Variants in SLC8A1 observed in about 807,000 individuals in gnomAD.
SLC8A1 encodes solute carrier family 8 member A1.
In SLC8A1, 18 loss-of-function variants were observed where a neutral mutation model predicts 68.3. The ratio of observed to expected loss-of-function variants is 0.26; its 90% CI spans 0.18 to 0.39. SLC8A1 has a LOEUF of 0.39. Among genes scored for constraint, SLC8A1 ranks in the 10% least tolerant of loss-of-function variants. The probability of loss-of-function intolerance (pLI) is 1.00; values close to 1 mark genes in which losing one functional copy is unlikely to be tolerated. For missense variants in SLC8A1, 985 were observed against 1,156.7 expected (o/e 0.85, Z 2.15); for synonymous variants, 475 against 415.5 (o/e 1.14, Z -1.74).
chr2:40,373,046 C>A (rs1678653705), intron 2 of SLC8A1, among the ~76,000 whole-genome samples: 1 of 74,168 alleles, frequency 1.3e-5, no homozygotes, highest in Non-Finnish European at 2.5e-5. Context: ...AAAAAAAATT[C>A]AAACTATGTC....
At chr2:40,240,087 C>G (rs1228537309) in intron 2 of SLC8A1, among the ~76,000 whole-genome samples, 1 of 152,172 alleles carries the variant, frequency 6.6e-6, no homozygotes, top group African/African-American at 2.4e-5. Flanking sequence ...TTAAAACTAT[C>G]TGATGATGAA....
At chr2:40,418,307 G>T (rs1225036299) in intron 2 of SLC8A1, among the ~76,000 whole-genome samples, 1 of 151,922 alleles carries the variant, frequency 6.6e-6, no homozygotes, top group South Asian at 2.1e-4. Context: ...CATTTTACTA[G>T]ACCATGTGTA....
intron 2 of SLC8A1, among the ~76,000 whole-genome samples, chr2:40,240,271 A>C (rs1336232968): frequency 1.3e-5 from 2 of 152,238 alleles, no homozygotes; most frequent in African/African-American, 4.8e-5. Context: ...TGCCAAGTCA[A>C]GTCTCCGACG....
chr2:40,166,536 G>A (rs773510910), intron 4 of SLC8A1, among the ~76,000 whole-genome samples: 1 of 152,186 alleles, frequency 6.6e-6, no homozygotes, highest in African/African-American at 2.4e-5. Flanking sequence ...AGGCAAAGGA[G>A]AGGGGCAAGG....
chr2:40,322,829 C>T (rs1390901254), intron 2 of SLC8A1, among the ~76,000 whole-genome samples: 2 of 144,972 alleles, frequency 1.4e-5, no homozygotes, highest in African/African-American at 2.8e-5. Flanking sequence ...GTAACACACA[C>T]ACACACACAC....
At chr2:40,271,886 A>G (rs1412786471) in intron 2 of SLC8A1, among the ~76,000 whole-genome samples, 3 of 151,720 alleles carry the variant, frequency 2.0e-5, no homozygotes, top group Admixed American at 6.6e-5. Context: ...TTTTTTTTAG[A>G]GTCAGGGTCT....
intron 2 of SLC8A1, among the ~76,000 whole-genome samples, chr2:40,259,756 A>AT (rs1176240423): frequency 6.6e-6 from 1 of 152,108 alleles, no homozygotes; most frequent in Admixed American, 6.5e-5. Context: ...GTTTATTTTG[A>AT]TTTTTTAAAA....
chr2:40,485,812 AT>A (rs567079225), intron 1 of SLC8A1, among the ~76,000 whole-genome samples: 2 of 151,960 alleles, frequency 1.3e-5, no homozygotes, highest in African/African-American at 4.8e-5. Context: ...TATATGTAGC[AT>A]TTTTTTTGGC....
At chr2:40,359,047 T>G (rs1194627599) in intron 2 of SLC8A1, among the ~76,000 whole-genome samples, 1 of 151,880 alleles carries the variant, frequency 6.6e-6, no homozygotes, top group Non-Finnish European at 1.5e-5. Flanking sequence ...ATTGGAGGAA[T>G]GGAAAGAAGG....
chr2:40,255,250 G>GAAA (rs1438761399), intron 2 of SLC8A1: 2 of 152,002 alleles, frequency 1.3e-5, no homozygotes, highest in Non-Finnish European at 2.9e-5. Flanking sequence ...CCCCATGGTG[G>GAAA]AAATGATGAT....
chr2:40,357,780 TA>T (rs1362828308), intron 2 of SLC8A1, among the ~76,000 whole-genome samples: 1 of 152,156 alleles, frequency 6.6e-6, no homozygotes, highest in African/African-American at 2.4e-5. Flanking sequence ...TTAAAAGCCC[TA>T]GCTTATACGA....
At chr2:40,316,866 C>T (rs1015308753) in intron 2 of SLC8A1, among the ~76,000 whole-genome samples, 5 of 151,900 alleles carry the variant, frequency 3.3e-5, no homozygotes, top group African/African-American at 1.2e-4. Flanking sequence ...AGGAAAGCAA[C>T]CATACCTCAG....
chr2:40,288,791 T>C (rs2149219851), intron 2 of SLC8A1, among the ~76,000 whole-genome samples: 1 of 150,656 alleles, frequency 6.6e-6, no homozygotes, highest in East Asian at 1.9e-4. Context: ...TCCCACAGAA[T>C]CTTAAAAAAT....
chr2:40,453,904 G>C (rs913810927), upstream of SLC8A1, among the ~76,000 whole-genome samples: 1 of 152,176 alleles, frequency 6.6e-6, no homozygotes, highest in African/African-American at 2.4e-5. Flanking sequence ...GACACTCTAA[G>C]CTGCTTCACG....
chr2:40,170,533 T>C (rs2047290486), intron 4 of SLC8A1, among the ~76,000 whole-genome samples, 184 bp from the exon 7 acceptor site: 1 of 152,162 alleles, frequency 6.6e-6, no homozygotes, highest in African/African-American at 2.4e-5. Context: ...TGGTGGAAGT[T>C]ACTGATGGAG....
intron 1 of SLC8A1, among the ~76,000 whole-genome samples, chr2:40,469,803 A>G (rs1703902301): frequency 6.6e-6 from 1 of 152,134 alleles, no homozygotes; most frequent in African/African-American, 2.4e-5. Flanking sequence ...TCAAAAGGAA[A>G]ATAATGTCTG....
At chr2:40,237,612 G>A (rs565352791) in intron 2 of SLC8A1, among the ~76,000 whole-genome samples, 54 of 152,220 alleles carry the variant, frequency 3.5e-4, no homozygotes, top group African/African-American at 1.2e-3. Context: ...GCTCATCAAA[G>A]TCATTCTCCA....
intron 2 of SLC8A1, among the ~76,000 whole-genome samples, chr2:40,288,611 C>G (rs1045608535): frequency 6.6e-6 from 1 of 151,958 alleles, no homozygotes; most frequent in Admixed American, 6.6e-5. Flanking sequence ...GTATACCTCT[C>G]CCCAGTTCTG....
At chr2:40,209,631 T>C (rs1319458254) in intron 2 of SLC8A1, among the ~76,000 whole-genome samples, 1 of 152,140 alleles carries the variant, frequency 6.6e-6, no homozygotes, top group Non-Finnish European at 1.5e-5. Flanking sequence ...GCTACTGTGG[T>C]TCCCGGCAAA....
Sources: allele counts gnomAD v4.1 joint callset (sites outside exome capture counted in the v4.1 genomes callset), GRCh38; gene constraint gnomAD v4.1.1; transcripts MANE v1.5; gene names NCBI Gene and HGNC (gene_info 2026-07-23, HGNC 2026-07-21).